Variants in DDAH1 observed in about 807,000 individuals in gnomAD.
The protein encoded by DDAH1 is dimethylarginine dimethylaminohydrolase 1.
In DDAH1, 19 loss-of-function variants were observed where a neutral mutation model predicts 28.8. That is an observed-to-expected ratio of 0.66 (90% CI 0.46 to 0.97). The LOEUF (loss-of-function observed/expected upper bound fraction) is 0.97. Among genes scored for constraint, DDAH1 ranks in the 50% least tolerant of loss-of-function variants. The pLI, the probability that DDAH1 is intolerant of heterozygous loss-of-function variation, is 0.00. For synonymous variants in DDAH1, 153 were observed against 154.4 expected (o/e 0.99, Z 0.07); for missense variants, 326 against 375.9 (o/e 0.87, Z 1.10).
intron 1 of DDAH1, among the ~76,000 whole-genome samples, chr1:85,370,039 C>T (rs1570444494): frequency 6.6e-6 from 1 of 152,192 alleles, no homozygotes; most frequent in African/African-American, 2.4e-5. Flanking sequence ...GGCTATGTGT[C>T]TCCTCAAGAT....
chr1:85,563,571 C>T (rs1177142370), intron 1 of DDAH1, among the ~76,000 whole-genome samples: 6 of 152,202 alleles, frequency 3.9e-5, no homozygotes, highest in African/African-American at 1.4e-4. Context: ...AAACAAAATT[C>T]AAGAATATTT....
At chr1:85,490,876 G>T (rs892852045) in intron 2 of DDAH1, among the ~76,000 whole-genome samples, 1 of 152,148 alleles carries the variant, frequency 6.6e-6, no homozygotes, top group African/African-American at 2.4e-5. Flanking sequence ...TCTGCTCAGG[G>T]CTCATGGCAT....
At chr1:85,450,366 A>C (rs2100668836) in intron 1 of DDAH1, among the ~76,000 whole-genome samples, 1 of 152,286 alleles carries the variant, frequency 6.6e-6, no homozygotes, top group East Asian at 1.9e-4. Context: ...CTTGCTAATA[A>C]GTGGTAGGTC....
At chr1:85,344,838 C>T (rs910113436) in intron 4 of DDAH1, among the ~76,000 whole-genome samples, 2 of 152,070 alleles carry the variant, frequency 1.3e-5, no homozygotes, top group African/African-American at 4.8e-5. Flanking sequence ...TAGATTTACT[C>T]TTTCTTATGT....
chr1:85,405,464 G>A (rs1287315967), intron 1 of DDAH1, among the ~76,000 whole-genome samples: 3 of 152,152 alleles, frequency 2.0e-5, no homozygotes, highest in African/African-American at 7.2e-5. Context: ...GTGTCAGGAC[G>A]CTTAAGCATG....
At chr1:85,574,554 TA>T (rs1659543582) in intron 1 of DDAH1, among the ~76,000 whole-genome samples, 1 of 152,190 alleles carries the variant, frequency 6.6e-6, no homozygotes, top group African/African-American at 2.4e-5. Flanking sequence ...TCGTTCCCCC[TA>T]ACTCCTCTCA....
At chr1:85,339,428 A>G (rs1251552090) in intron 4 of DDAH1, among the ~76,000 whole-genome samples, 1 of 152,232 alleles carries the variant, frequency 6.6e-6, no homozygotes, top group Non-Finnish European at 1.5e-5. Context: ...GGGACCCAAC[A>G]GCAGCAACAG....
intron 1 of DDAH1, among the ~76,000 whole-genome samples, chr1:85,524,195 T>C (rs1464016163): frequency 2.6e-5 from 4 of 151,500 alleles, no homozygotes; most frequent in Non-Finnish European, 4.4e-5. Flanking sequence ...AGGAGGAAGA[T>C]GATACATACT....
intron 3 of DDAH1, among the ~76,000 whole-genome samples, chr1:85,351,051 G>C (rs981909450): frequency 6.6e-6 from 1 of 151,470 alleles, no homozygotes; most frequent in Non-Finnish European, 1.5e-5. Context: ...GAGTCAATTG[G>C]GTTTCCAAGT....
intron 1 of DDAH1, among the ~76,000 whole-genome samples, chr1:85,570,736 G>A (rs534119422): frequency 3.1e-4 from 47 of 152,284 alleles, no homozygotes; most frequent in African/African-American, 1.0e-3. Flanking sequence ...TTCACGTGAT[G>A]GCAATGATCC....
chr1:85,405,632 C>T (rs966006791), intron 1 of DDAH1, among the ~76,000 whole-genome samples: 1 of 57,470 alleles, frequency 1.7e-5, no homozygotes, highest in African/African-American at 5.2e-5. Flanking sequence ...AAAAAGTGCC[C>T]TAAAAAAAAA....
chr1:85,385,805 A>G (rs2100543770), intron 1 of DDAH1, among the ~76,000 whole-genome samples: 1 of 152,332 alleles, frequency 6.6e-6, no homozygotes, highest in East Asian at 1.9e-4. Context: ...TCAAGGTTCC[A>G]CAGGTTGCAC....
chr1:85,374,857 C>A (rs892657746), intron 1 of DDAH1, among the ~76,000 whole-genome samples: 1 of 152,046 alleles, frequency 6.6e-6, no homozygotes, highest in Non-Finnish European at 1.5e-5. Context: ...AAATTATCTT[C>A]TGAAAACAGT....
chr1:85,499,997 A>T (rs972120738), intron 1 of DDAH1, among the ~76,000 whole-genome samples: 2 of 151,968 alleles, frequency 1.3e-5, no homozygotes, highest in African/African-American at 4.8e-5. Context: ...TGTACCATTG[A>T]TACATTTGGT....
At chr1:85,549,153 G>A (rs146748833) in intron 1 of DDAH1, among the ~76,000 whole-genome samples, 1 of 152,084 alleles carries the variant, frequency 6.6e-6, no homozygotes, top group Non-Finnish European at 1.5e-5. Flanking sequence ...TTTTCATAAA[G>A]GTTTTTAGTC....
intron 1 of DDAH1, among the ~76,000 whole-genome samples, chr1:85,458,077 A>C (rs1458215020): frequency 6.6e-6 from 1 of 152,208 alleles, no homozygotes; most frequent in East Asian, 1.9e-4. Context: ...TGGAATGATA[A>C]CTTACCCCTA....
chr1:85,333,722 C>G (rs1261902662), intron 4 of DDAH1, among the ~76,000 whole-genome samples: 1 of 150,908 alleles, frequency 6.6e-6, no homozygotes, highest in Non-Finnish European at 1.5e-5. Flanking sequence ...GATACTAAAT[C>G]AAGAAGAATT....
intron 1 of DDAH1, among the ~76,000 whole-genome samples, chr1:85,564,905 G>T (rs1659249642): frequency 6.7e-6 from 1 of 149,088 alleles, no homozygotes. Flanking sequence ...CCAAAGAAAA[G>T]ATACATCGTG....
intron 1 of DDAH1, among the ~76,000 whole-genome samples, chr1:85,441,362 G>A (rs986640566): frequency 6.6e-6 from 1 of 152,208 alleles, no homozygotes; most frequent in East Asian, 1.9e-4. Flanking sequence ...CTAACATGGT[G>A]AAACCCCGTC....
Sources: gnomAD v4.1 joint callset for allele counts (sites outside exome capture counted in the v4.1 genomes callset) on GRCh38, gnomAD v4.1.1 for gene constraint, MANE v1.5 for transcripts, NCBI Gene and HGNC (gene_info 2026-07-23, HGNC 2026-07-21) for gene names.